The following PAX5 variants were observed in gnomAD, a reference collection of about 807,000 sequenced individuals.
The protein encoded by PAX5 is paired box protein Pax-5.
A neutral mutation model predicts 43.7 loss-of-function variants in PAX5; 9 were observed. The observed-to-expected ratio is 0.21, with a 90% CI of 0.12 to 0.36. The LOEUF (loss-of-function observed/expected upper bound fraction) is 0.36, where lower values mean the gene tolerates loss of function less well. Ranked by LOEUF, PAX5 falls within the 10% of genes least tolerant of loss-of-function variation. The pLI is 1.00. For synonymous variants in PAX5, 228 were observed against 214.3 expected, an observed-to-expected ratio of 1.06 and a Z score of -0.56; for missense variants, 383 against 532.7, an observed-to-expected ratio of 0.72 and a Z score of 2.77.
chr9:36,869,790 GGATGGATGGGTGGATAAATA>G (rs1825245283), intron 8 of PAX5, among the ~76,000 whole-genome samples: 1 of 152,214 alleles, frequency 6.6e-6, no homozygotes. Context: ...AAGCGATAGT[GGATGGATGGGTGGATAAATA>G]GATGGATGGA....
Position 36,882,269 on chromosome 9 carries a change from C to T in PAX5, c.911-164G>A, listed in dbSNP as rs1020456625. 4.0e-5 allele frequency among the ~76,000 whole-genome samples: 3 copies of T among 74,556 alleles called. No individual in the cohort carries two copies. The highest frequency in any genetic ancestry group is 6.3e-5 in the Non-Finnish European group (2 of 31,800). 48.9% of individuals were successfully genotyped at this position (74,556 alleles called of 152,430 possible). On this transcript the variant is annotated intron_variant, in intron 7 of 9. Transcript: ENST00000358127. The surrounding 1 kb of genome is among the most constrained non-coding windows in gnomAD (Gnocchi z 4.4). ...TCACACGCTCTCACAAACACACATA[C>T]ACACACACACACACACACACACACA...
At chr9:36,937,599 CT>C (rs1319425307) in intron 6 of PAX5, among the ~76,000 whole-genome samples, 1 of 152,162 alleles carries the variant, frequency 6.6e-6, no homozygotes, top group African/African-American at 2.4e-5. Context: ...TTGGTGACCT[CT>C]TTAGATAACC....
At chr9:36,948,470 A>G (rs1345871434) in intron 6 of PAX5, among the ~76,000 whole-genome samples, 1 of 152,154 alleles carries the variant, frequency 6.6e-6, no homozygotes, top group East Asian at 1.9e-4. Context: ...GGAAATATTA[A>G]ATTGTTTGTT....
intron 5 of PAX5, among the ~76,000 whole-genome samples, chr9:36,981,168 C>T (rs1432428973): frequency 6.2e-5 from 8 of 129,666 alleles, no homozygotes; most frequent in Non-Finnish European, 1.0e-4. Flanking sequence ...GTAGGACCAC[C>T]CTCCAAAAAC....
intron 6 of PAX5, among the ~76,000 whole-genome samples, chr9:36,957,244 CTGGG>C (rs1462189884): frequency 2.0e-5 from 3 of 152,208 alleles, no homozygotes; most frequent in Non-Finnish European, 4.4e-5. Flanking sequence ...CCTCCTGCAA[CTGGG>C]TGGGTAAGCC....
chr9:37,009,087 C>A (rs961961911), intron 3 of PAX5, among the ~76,000 whole-genome samples: 1 of 152,208 alleles, frequency 6.6e-6, no homozygotes, highest in Non-Finnish European at 1.5e-5. Flanking sequence ...CTTTTCAAAT[C>A]ATTGTCTGAC....
rs16933788 is a variant in PAX5 at position 36,946,629 on chromosome 9, C to T, written c.780+19920G>A. 4.4e-3 allele frequency among the ~76,000 whole-genome samples: 675 copies of T among 152,274 alleles called. 5 individuals are homozygous for T. The highest frequency in any genetic ancestry group is 0.015 in the African/African-American group (605 of 41,558). On this transcript the variant is annotated intron_variant, in intron 6 of 9. Coordinates refer to ENST00000358127, the MANE Select transcript of PAX5 (RefSeq NM_016734.3). Reference sequence around the variant, plus strand: ...GTGAACATGTCTGAGTTGTTTTGCCCCACAGCATAGATGCGCTTTCTGACT... The same window carrying T: ...GTGAACATGTCTGAGTTGTTTTGCCTCACAGCATAGATGCGCTTTCTGACT...
chr9:37,033,895 C>T, intron 1 of PAX5, 91 bp downstream of exon 1: 6 of 1,142,410 alleles, frequency 5.3e-6, no homozygotes, highest in Non-Finnish European at 7.8e-6. Flanking sequence ...ATGCGGCGCG[C>T]CCCCTCCTCC....
intron 7 of PAX5, among the ~76,000 whole-genome samples, chr9:36,890,717 T>C (rs1010377644): frequency 2.0e-5 from 3 of 152,306 alleles, no homozygotes; most frequent in Admixed American, 2.0e-4. Flanking sequence ...CTGCTCGCTG[T>C]GGCCTCCACA....
intron 8 of PAX5, among the ~76,000 whole-genome samples, chr9:36,848,131 T>C (rs1822769213): frequency 1.3e-5 from 2 of 152,070 alleles, no homozygotes; most frequent in Admixed American, 1.3e-4. Context: ...CCTACAAGGA[T>C]GCTTACAAAG....
chr9:37,012,387 G>A (rs1839009160), intron 3 of PAX5, among the ~76,000 whole-genome samples: 1 of 152,132 alleles, frequency 6.6e-6, no homozygotes, highest in African/African-American at 2.4e-5. Flanking sequence ...CTTGGCCTCT[G>A]TTGCTACAAC....
At chr9:37,026,681 C>T (rs1840411826) in intron 1 of PAX5, 3 of 1,327,240 alleles carry the variant, frequency 2.3e-6, no homozygotes, top group South Asian at 1.3e-5. Context: ...ACTGTGCGAG[C>T]TGGGCTCAGA....
At chr9:36,880,601 C>T (rs546234619) in intron 8 of PAX5, among the ~76,000 whole-genome samples, 4 of 152,290 alleles carry the variant, frequency 2.6e-5, no homozygotes, top group South Asian at 2.1e-4. Context: ...ATCGCTCTGT[C>T]GCCCAGGCTG....
chr9:36,944,691 C>T (rs572060859), intron 6 of PAX5, among the ~76,000 whole-genome samples: 15 of 152,302 alleles, frequency 9.8e-5, no homozygotes, highest in South Asian at 8.3e-4. Flanking sequence ...GTGCCGAATG[C>T]GCTTCAGATC....
rs531783805 is a variant in PAX5 at position 36,837,231 on chromosome 9, G to A, written c.*3329C>T. On this transcript the variant is annotated 3_prime_UTR_variant, in exon 10 of 10. Coordinates refer to ENST00000358127, the MANE Select transcript of PAX5 (RefSeq NM_016734.3). ...GAGAGCCCCAAATGTCAATTTCCCC[G>A]TCTATAAAGTAGGCATCATGCTCTT... The A allele has an allele frequency of 6.4e-5, 15 of 233,094 alleles. No individual in the cohort carries two copies. The highest frequency in any genetic ancestry group is 1.8e-4 in the South Asian group (1 of 5,520). 14.4% of individuals were successfully genotyped at this position (233,094 alleles called of 1,614,324 possible).
At chr9:37,021,201 A>C (rs1261747888) in intron 1 of PAX5, among the ~76,000 whole-genome samples, 1 of 152,252 alleles carries the variant, frequency 6.6e-6, no homozygotes, top group Non-Finnish European at 1.5e-5. Flanking sequence ...AAGAGGAAAA[A>C]AATAAAACTC....
At chr9:36,938,852 C>T (rs570884478) in intron 6 of PAX5, among the ~76,000 whole-genome samples, 2 of 152,284 alleles carry the variant, frequency 1.3e-5, no homozygotes, top group African/African-American at 4.8e-5. Context: ...CATACAGCTG[C>T]GAGGGCAACA....
chr9:36,972,117 C>G (rs1211492914), intron 5 of PAX5, among the ~76,000 whole-genome samples: 1 of 152,190 alleles, frequency 6.6e-6, no homozygotes, highest in Non-Finnish European at 1.5e-5. Context: ...TGGGATGTAA[C>G]CCCATCTGGA....
intron 8 of PAX5, among the ~76,000 whole-genome samples, chr9:36,859,734 C>A (rs1001444047): frequency 6.6e-6 from 1 of 152,160 alleles, no homozygotes; most frequent in South Asian, 2.1e-4. Flanking sequence ...AGCCTTGCTG[C>A]ACATTAAGAA....
Sources: allele counts gnomAD v4.1 joint callset (sites outside exome capture counted in the v4.1 genomes callset), GRCh38; gene constraint gnomAD v4.1.1; non-coding constraint Gnocchi (gnomAD v3.1); transcripts MANE v1.5; gene names NCBI Gene and HGNC (gene_info 2026-07-23, HGNC 2026-07-21).